CNBD1: variants seen among roughly 807,000 people sequenced by gnomAD.
CNBD1 encodes cyclic nucleotide binding domain containing 1, also known as cyclic nucleotide-binding domain-containing protein 1.
Under a neutral mutation model 54.4 loss-of-function variants are expected in CNBD1, and 71 were observed. That is an observed-to-expected ratio of 1.30 (90% CI 1.08 to 1.59). The LOEUF is 1.59. CNBD1 is among the 40% of genes most tolerant of loss of function. The pLI is 0.00. For missense variants in CNBD1, 659 were observed against 518.0 expected (o/e 1.27, Z -2.64); for synonymous variants, 182 against 170.7 (o/e 1.07, Z -0.51).
intron 8 of CNBD1, among the ~76,000 whole-genome samples, chr8:87,312,351 G>C (rs1586003631): frequency 6.6e-6 from 1 of 152,010 alleles, no homozygotes; most frequent in East Asian, 1.9e-4. Context: ...TGGGGCAATT[G>C]CTGCATGATT....
intron 6 of CNBD1, among the ~76,000 whole-genome samples, 166 bp from the exon 7 acceptor site, chr8:87,284,512 C>T (rs1218904784): frequency 6.6e-6 from 1 of 152,032 alleles, no homozygotes; most frequent in Non-Finnish European, 1.5e-5. Context: ...TTTCTCTTGC[C>T]TTGGGAAGTG....
At chr8:87,027,517 G>A (rs1809676104) in intron 4 of CNBD1, among the ~76,000 whole-genome samples, 1 of 152,078 alleles carries the variant, frequency 6.6e-6, no homozygotes, top group Non-Finnish European at 1.5e-5. Flanking sequence ...TGAGCTGTCC[G>A]CCTCGGCCTC....
chr8:87,147,851 A>G (rs1812522057), intron 4 of CNBD1, among the ~76,000 whole-genome samples: 1 of 152,170 alleles, frequency 6.6e-6, no homozygotes, highest in African/African-American at 2.4e-5. Flanking sequence ...TTGTGGTTTT[A>G]AAGCTACATT....
At chr8:87,250,206 A>T (rs943657827) in intron 6 of CNBD1, among the ~76,000 whole-genome samples, 10 of 152,242 alleles carry the variant, frequency 6.6e-5, no homozygotes, top group African/African-American at 2.4e-4. Flanking sequence ...ACTAATGGCC[A>T]ACAGATATAT....
chr8:87,320,073 AT>A (rs562601123), intron 8 of CNBD1, among the ~76,000 whole-genome samples: 27 of 152,236 alleles, frequency 1.8e-4, no homozygotes, highest in African/African-American at 5.8e-4. Context: ...GAACAAAAAT[AT>A]ATTGAGTGTC....
intron 2 of CNBD1, among the ~76,000 whole-genome samples, chr8:87,390,059 A>G (rs924310280): frequency 6.6e-6 from 1 of 151,042 alleles, no homozygotes; most frequent in South Asian, 2.1e-4. Context: ...AGAAAGCTGA[A>G]ACTGGATCCC....
intron 4 of CNBD1, among the ~76,000 whole-genome samples, chr8:87,054,339 G>C (rs1209868158): frequency 6.6e-6 from 1 of 152,218 alleles, no homozygotes; most frequent in Non-Finnish European, 1.5e-5. Context: ...AGACTGTCTA[G>C]TTATGCTGCA....
chr8:87,329,213 T>C (rs1316139929), intron 8 of CNBD1, among the ~76,000 whole-genome samples: 2 of 152,176 alleles, frequency 1.3e-5, no homozygotes, highest in Non-Finnish European at 2.9e-5. Context: ...TTTTCAAGGA[T>C]CAGTTGACTA....
chr8:87,191,011 A>G (rs772946136), intron 4 of CNBD1, among the ~76,000 whole-genome samples: 1 of 150,794 alleles, frequency 6.6e-6, no homozygotes, highest in Non-Finnish European at 1.5e-5. Context: ...TCCTTAATAA[A>G]CTCTGTTATA....
intron 4 of CNBD1, among the ~76,000 whole-genome samples, chr8:87,143,852 T>C (rs1360942369): frequency 6.6e-6 from 1 of 152,174 alleles, no homozygotes; most frequent in East Asian, 1.9e-4. Flanking sequence ...TTAAAAAACA[T>C]TATTTTAAGA....
At chr8:87,087,718 G>A (rs1184358219) in intron 4 of CNBD1, among the ~76,000 whole-genome samples, 2 of 151,876 alleles carry the variant, frequency 1.3e-5, no homozygotes, top group African/African-American at 4.8e-5. Context: ...CGCCCGCCTC[G>A]GCCTCCCAAA....
intron 2 of CNBD1, among the ~76,000 whole-genome samples, chr8:87,389,736 A>G (rs1811269097): frequency 6.6e-6 from 1 of 152,182 alleles, no homozygotes; most frequent in Non-Finnish European, 1.5e-5. Flanking sequence ...TTCTTCACAG[A>G]AATGGAAAAA....
intron 4 of CNBD1, among the ~76,000 whole-genome samples, chr8:87,063,065 A>G (rs1810577969): frequency 6.6e-6 from 1 of 152,096 alleles, no homozygotes; most frequent in African/African-American, 2.4e-5. Context: ...TTAATGGGAG[A>G]CTGGTAAATT....
chr8:87,381,922 T>A (rs562516339), intron 10 of CNBD1, among the ~76,000 whole-genome samples: 4 of 152,066 alleles, frequency 2.6e-5, no homozygotes, highest in Admixed American at 2.6e-4. Flanking sequence ...ATGGATCTGC[T>A]GTACAACATT....
At chr8:87,383,306 G>C (rs187873329), downstream of CNBD1, among the ~76,000 whole-genome samples, 7 of 152,148 alleles carry the variant, frequency 4.6e-5, no homozygotes, top group Non-Finnish European at 8.8e-5. Flanking sequence ...CTTTTCATCA[G>C]ACCCATGATC....
At chr8:86,995,307 T>A (rs1375155318) in intron 4 of CNBD1, among the ~76,000 whole-genome samples, 2 of 152,174 alleles carry the variant, frequency 1.3e-5, no homozygotes, top group Non-Finnish European at 2.9e-5. Flanking sequence ...AATTTAAACG[T>A]TAAGATAGTA....
intron 5 of CNBD1, among the ~76,000 whole-genome samples, chr8:87,215,766 C>T (rs541829852): frequency 1.3e-5 from 2 of 152,122 alleles, no homozygotes; most frequent in Non-Finnish European, 2.9e-5. Context: ...TAATGTTAAT[C>T]TTTTAGAGTG....
intron 3 of CNBD1, among the ~76,000 whole-genome samples, chr8:86,910,228 C>A (rs902221115): frequency 6.6e-6 from 1 of 152,060 alleles, no homozygotes; most frequent in Admixed American, 6.6e-5. Context: ...AAAAGCCAGC[C>A]TTAGAGAAAA....
At chr8:86,866,636 T>C in intron 1 of CNBD1, 53 bp downstream of exon 1, 1 of 1,364,526 alleles carries the variant, frequency 7.3e-7, no homozygotes, top group East Asian at 2.4e-5. Context: ...TTTTCAGCGG[T>C]TCTTACCCCA....
Sources: allele counts gnomAD v4.1 joint callset (sites outside exome capture counted in the v4.1 genomes callset), GRCh38; gene constraint gnomAD v4.1.1; transcripts MANE v1.5; gene names NCBI Gene and HGNC (gene_info 2026-07-23, HGNC 2026-07-21).